The following CDH22 variants were observed in gnomAD, a reference collection of about 807,000 sequenced individuals.
The protein encoded by CDH22 is cadherin-22.
Under a neutral mutation model 58.4 loss-of-function variants are expected in CDH22, and 30 were observed. The observed-to-expected ratio is 0.51, with a 90% confidence interval of 0.38 to 0.70. CDH22 has a LOEUF of 0.70. CDH22 is among the 30% of genes least tolerant of loss of function. The pLI is 0.00. For missense variants in CDH22, 1,014 were observed against 1,233.9 expected (o/e 0.82, Z 2.67); for synonymous variants, 513 against 558.2 (o/e 0.92, Z 1.14).
chr20:46,199,630 AC>A, intron 7 of CDH22, 71 bp from the exon 8 acceptor site: 1 of 1,541,314 alleles, frequency 6.5e-7, no homozygotes, highest in Non-Finnish European at 8.8e-7. Context: ...TTTTCTCCCA[AC>A]CCCACTCCAA....
At chr20:46,228,998 C>A (rs562745745) in intron 3 of CDH22, among the ~76,000 whole-genome samples, 1 of 152,352 alleles carries the variant, frequency 6.6e-6, no homozygotes, top group Non-Finnish European at 1.5e-5. Context: ...CAGGTTCCCC[C>A]TCCCAGCCAC....
At chr20:46,227,686 C>G (rs553033753) in intron 3 of CDH22, 59 bp from the exon 4 acceptor site, 6 of 1,545,826 alleles carry the variant, frequency 3.9e-6, no homozygotes, top group Admixed American at 3.8e-5. Flanking sequence ...CTCGTTCCCC[C>G]ACTTCGCCTC....
At chr20:46,182,411 T>C (rs1360862926) in intron 10 of CDH22, among the ~76,000 whole-genome samples, 1 of 152,170 alleles carries the variant, frequency 6.6e-6, no homozygotes, top group Non-Finnish European at 1.5e-5. Flanking sequence ...ATAATAGTAG[T>C]AGTGGAGGCA....
intron 1 of CDH22, among the ~76,000 whole-genome samples, chr20:46,266,144 A>G (rs1234064244): frequency 6.6e-6 from 1 of 152,204 alleles, no homozygotes; most frequent in Non-Finnish European, 1.5e-5. Context: ...TTCCTGGGGC[A>G]GAGACTGGGG....
intron 1 of CDH22, among the ~76,000 whole-genome samples, chr20:46,295,185 C>T (rs1269051897): frequency 6.6e-6 from 1 of 152,250 alleles, no homozygotes; most frequent in Non-Finnish European, 1.5e-5. Flanking sequence ...CCTCTCCATG[C>T]AACGTCCTTT....
intron 3 of CDH22, among the ~76,000 whole-genome samples, chr20:46,236,896 G>C (rs989250294): frequency 2.6e-5 from 4 of 152,098 alleles, no homozygotes; most frequent in Non-Finnish European, 4.4e-5. Context: ...GTTTCACCAT[G>C]TTGCCCAGCT....
intron 1 of CDH22, among the ~76,000 whole-genome samples, chr20:46,305,874 CCT>C (rs1443255646): frequency 6.6e-6 from 1 of 152,240 alleles, no homozygotes; most frequent in African/African-American, 2.4e-5. Context: ...ATGCAGCGCT[CCT>C]GCAAAGCTCT....
At chr20:46,185,377 T>G (rs1014773266) in intron 10 of CDH22, among the ~76,000 whole-genome samples, 1 of 152,080 alleles carries the variant, frequency 6.6e-6, no homozygotes, top group Non-Finnish European at 1.5e-5. Context: ...CAGGGCAGTT[T>G]GCTTTCCAGG....
chr20:46,200,988 T>C (rs539007009), intron 7 of CDH22, among the ~76,000 whole-genome samples: 3 of 152,290 alleles, frequency 2.0e-5, no homozygotes, highest in Admixed American at 1.3e-4. Flanking sequence ...AGCTTTTCCG[T>C]TGCCGCGTGA....
rs1405817304 is a variant in CDH22 at position 46,173,798 on chromosome 20, C to G, written c.*708G>C. The G allele has an allele frequency of 6.6e-6, 1 of 152,332 alleles. No homozygotes were observed. Among genetic ancestry groups the G allele is most frequent in the African/African-American group, 2.4e-5 (1 of 41,460 alleles). The allele number at this position is 152,332 out of a possible 1,614,324, so 9.4% of individuals were successfully genotyped here. On this transcript the variant is annotated 3_prime_UTR_variant, in exon 12 of 12. Coordinates refer to ENST00000537909, the MANE Select transcript of CDH22 (RefSeq NM_021248.3). ...TATGTGCCAGGCACTGTCCTAACCACTTGACACATATGAACCCTTTTTAGC... is the reference window on the plus strand; with the variant it reads ...TATGTGCCAGGCACTGTCCTAACCAGTTGACACATATGAACCCTTTTTAGC...
chr20:46,283,466 T>C (rs2086560102), intron 1 of CDH22, among the ~76,000 whole-genome samples: 1 of 152,182 alleles, frequency 6.6e-6, no homozygotes, highest in South Asian at 2.1e-4. Flanking sequence ...GGAATCACTA[T>C]GCGATGCCTG....
At chr20:46,282,078 C>T (rs533031846) in intron 1 of CDH22, among the ~76,000 whole-genome samples, 4 of 152,346 alleles carry the variant, frequency 2.6e-5, no homozygotes, top group African/African-American at 9.6e-5. Context: ...CGAATACCTT[C>T]CTTTTTGTCC....
rs143790800 is a variant in CDH22 at position 46,248,687 on chromosome 20, G to A, written c.255+2353C>T. On this transcript the variant is annotated intron_variant, in intron 2 of 11. Transcript: ENST00000537909. ...AAAATACAAAAATTAGCTGGGCATG[G>A]TGTAATCCCAGCTACTTGGGAAGCT... Among the ~76,000 whole-genome samples the A allele has an allele frequency of 1.8e-4, 28 of 152,200 alleles. No individual in the cohort carries two copies. The East Asian group carries it at 5.4e-3, about 29-fold the overall frequency.
intron 3 of CDH22, among the ~76,000 whole-genome samples, chr20:46,236,263 AGC>A (rs1401489643): frequency 1.3e-5 from 2 of 151,860 alleles, no homozygotes; most frequent in East Asian, 3.9e-4. Context: ...TGTTTTAACA[AGC>A]CCTCCAGGTA....
At chr20:46,290,790 G>C (rs2086598285) in intron 1 of CDH22, among the ~76,000 whole-genome samples, 1 of 151,744 alleles carries the variant, frequency 6.6e-6, no homozygotes, top group Admixed American at 6.6e-5. Context: ...GCTGGTGAAA[G>C]AGAGAGAGAG....
intron 4 of CDH22, among the ~76,000 whole-genome samples, chr20:46,221,280 C>CT (rs67025636): frequency 4.4e-4 from 54 of 122,616 alleles, no homozygotes; most frequent in South Asian, 1.8e-3. Context: ...TTTTTTTTTT[C>CT]TTTTTTTTTT....
At chr20:46,291,166 ACTCAGGAGG>A (rs1450495194) in intron 1 of CDH22, among the ~76,000 whole-genome samples, 5 of 152,152 alleles carry the variant, frequency 3.3e-5, no homozygotes, top group Non-Finnish European at 7.4e-5. Context: ...AATCCCAGCT[ACTCAGGAGG>A]CTGAGGTAGG....
In CDH22 at chr20:46,251,457, C is replaced by A; in HGVS notation, c.-163G>T. 1.3e-6 allele frequency: 1 copy of A among 742,420 alleles called. No homozygotes were observed. The highest frequency in any genetic ancestry group is 1.9e-6 in the Non-Finnish European group (1 of 536,754). The allele number at this position is 742,420 out of a possible 1,614,324, so 46.0% of individuals were successfully genotyped here. A position where few individuals can be genotyped will look rare whatever the true frequency, so the allele number is the denominator to read the frequency against. On this transcript the variant is annotated 5_prime_UTR_variant, in exon 2 of 12. Transcript: ENST00000537909. The surrounding 1 kb of genome is among the most constrained non-coding windows in gnomAD (Gnocchi z 6.7). ...ACCCGGACGGGCCCGCGGCCCTGAA[C>A]GCCGCCCAGCCGCGGGGGTACCCGG...
chr20:46,232,437 G>T (rs1006162044), intron 3 of CDH22, among the ~76,000 whole-genome samples: 1 of 152,154 alleles, frequency 6.6e-6, no homozygotes, highest in Non-Finnish European at 1.5e-5. Context: ...CTGGGTGTGG[G>T]AGACCCCTTA....
Sources: gnomAD v4.1 joint callset for allele counts (sites outside exome capture counted in the v4.1 genomes callset) on GRCh38, gnomAD v4.1.1 for gene constraint, Gnocchi (gnomAD v3.1) non-coding constraint, MANE v1.5 for transcripts, NCBI Gene and HGNC (gene_info 2026-07-23, HGNC 2026-07-21) for gene names.